The following GABRG3 variants were observed in gnomAD, a reference collection of about 807,000 sequenced individuals.
GABRG3 encodes gamma-aminobutyric acid type A receptor subunit gamma3.
In GABRG3, 25 loss-of-function variants were observed where a neutral mutation model predicts 48.8. The ratio of observed to expected loss-of-function variants is 0.51; its 90% CI spans 0.37 to 0.72. The LOEUF is 0.72. GABRG3 is among the 30% of genes least tolerant of loss of function. GABRG3 has a pLI of 0.00. For missense variants in GABRG3, 394 were observed against 577.9 expected (o/e 0.68, Z 3.26); for synonymous variants, 227 against 217.6 (o/e 1.04, Z -0.38).
intron 5 of GABRG3, chr15:27,363,118 G>A (rs1399466656): frequency 2.0e-5 from 3 of 152,160 alleles, no homozygotes; most frequent in Non-Finnish European, 2.9e-5. Flanking sequence ...GTCCCTATTT[G>A]CTGGAAGGGG....
intron 5 of GABRG3, among the ~76,000 whole-genome samples, chr15:27,342,862 C>A (rs913528252): frequency 6.6e-6 from 1 of 152,192 alleles, no homozygotes; most frequent in East Asian, 1.9e-4. Flanking sequence ...CTCCTGCCTC[C>A]TAGTCTGGAC....
intron 2 of GABRG3, among the ~76,000 whole-genome samples, chr15:27,011,314 T>C (rs1430221246): frequency 2.0e-5 from 3 of 152,218 alleles, no homozygotes; most frequent in Non-Finnish European, 2.9e-5. Flanking sequence ...GACCCATTTC[T>C]CTGTCTGCTT....
At chr15:27,470,061 C>T (rs2150839882) in intron 5 of GABRG3, among the ~76,000 whole-genome samples, 1 of 152,234 alleles carries the variant, frequency 6.6e-6, no homozygotes, top group South Asian at 2.1e-4. Flanking sequence ...AAAAAACTTG[C>T]ACATCAGTAC....
At chr15:27,061,573 G>A (rs1206747581) in intron 3 of GABRG3, among the ~76,000 whole-genome samples, 2 of 151,556 alleles carry the variant, frequency 1.3e-5, no homozygotes, top group Non-Finnish European at 1.5e-5. Context: ...ATGTATTTAT[G>A]AGTGATGTTC....
chr15:27,498,281 C>T (rs1216174313), intron 6 of GABRG3, among the ~76,000 whole-genome samples: 2 of 152,144 alleles, frequency 1.3e-5, no homozygotes, highest in African/African-American at 2.4e-5. Context: ...CTACACTTTG[C>T]ATTTCCATAG....
intron 2 of GABRG3, among the ~76,000 whole-genome samples, chr15:27,018,549 G>A (rs1440580502): frequency 6.6e-6 from 1 of 152,110 alleles, no homozygotes; most frequent in Admixed American, 6.5e-5. Flanking sequence ...GCCTTCTTGA[G>A]ATCACATATT....
chr15:27,479,222 A>G (rs1423705397), intron 5 of GABRG3, among the ~76,000 whole-genome samples: 1 of 152,260 alleles, frequency 6.6e-6, no homozygotes, highest in African/African-American at 2.4e-5. Flanking sequence ...CAAAGTTAAA[A>G]AGGAAGAATT....
intron 3 of GABRG3, among the ~76,000 whole-genome samples, chr15:27,138,350 G>A (rs147065862): frequency 7.9e-5 from 12 of 152,238 alleles, no homozygotes; most frequent in Middle Eastern, 3.4e-3. Context: ...ACGTAAATAT[G>A]GTTCACTCTT....
intron 3 of GABRG3, among the ~76,000 whole-genome samples, chr15:27,198,826 T>C (rs751694071): frequency 1.3e-4 from 20 of 152,282 alleles, no homozygotes; most frequent in Non-Finnish European, 2.2e-4. Flanking sequence ...ATAAAAAGAA[T>C]GAGTTTATGT....
chr15:27,314,137 C>T (rs1430243809), intron 3 of GABRG3, among the ~76,000 whole-genome samples: 3 of 151,948 alleles, frequency 2.0e-5, no homozygotes, highest in Non-Finnish European at 4.4e-5. Flanking sequence ...TTACATCAAA[C>T]CAATAAGCTT....
chr15:26,975,992 G>C lies in GABRG3; in HGVS notation c.54-1010G>C, dbSNP rs1466355812. On this transcript the variant is annotated intron_variant, in intron 1 of 9. Coordinates refer to ENST00000615808, the MANE Select transcript of GABRG3 (RefSeq NM_033223.5). The surrounding 1 kb of genome is among the most constrained non-coding windows in gnomAD (Gnocchi z 4.6). The stretch of plus-strand genomic sequence containing the variant: ...TGCTGCTTTAAGGCAGAAAGAGACT[G>C]TCTGCTCTCCAAGCCCAAATAACTA... Among the ~76,000 whole-genome samples the C allele has an allele frequency of 6.6e-6, 1 of 152,190 alleles. No homozygotes were observed. The highest frequency in any genetic ancestry group is 1.5e-5 in the Non-Finnish European group (1 of 68,040).
chr15:26,979,315 C>G (rs1395600268), intron 2 of GABRG3, among the ~76,000 whole-genome samples: 2 of 152,084 alleles, frequency 1.3e-5, no homozygotes, highest in African/African-American at 4.8e-5. Flanking sequence ...TCTTGCTCTC[C>G]AATCTGAGTA....
At position 27,352,286 on chromosome 15, in the gene GABRG3, C is replaced by G. The variant is rs1384147797; in HGVS notation, c.574+23398C>G. Among the ~76,000 whole-genome samples, 4 of 151,864 alleles carry G rather than the reference C, an allele frequency of 2.6e-5. No individual in the cohort carries two copies. The highest frequency in any genetic ancestry group is 4.4e-5 in the Non-Finnish European group (3 of 67,994). ...CGCGCTCACTGTTCACAGCGTAAAT[C>G]CAGACCCATAGTGAGAGGAAGAGGA... is the stretch of plus-strand genomic sequence containing the variant. On this transcript the variant is annotated intron_variant, in intron 5 of 9. Transcript: ENST00000615808. The surrounding 1 kb of genome is among the most constrained non-coding windows in gnomAD (Gnocchi z 4.0).
intron 2 of GABRG3, among the ~76,000 whole-genome samples, chr15:27,009,226 A>G (rs929349528): frequency 3.3e-5 from 5 of 152,178 alleles, no homozygotes; most frequent in Non-Finnish European, 7.3e-5. Context: ...GAATACTGAT[A>G]GCAAACCGTG....
chr15:27,378,257 A>G (rs1895661109), intron 5 of GABRG3, among the ~76,000 whole-genome samples: 1 of 152,178 alleles, frequency 6.6e-6, no homozygotes, highest in Non-Finnish European at 1.5e-5. Flanking sequence ...CTGAAATTTA[A>G]AAAAATTAAA....
intron 5 of GABRG3, among the ~76,000 whole-genome samples, chr15:27,339,951 G>A (rs1264125373): frequency 6.6e-6 from 1 of 152,134 alleles, no homozygotes; most frequent in Admixed American, 6.5e-5. Flanking sequence ...AGTTGATGGA[G>A]GGAGGAGGCG....
At chr15:27,250,399 A>G (rs999383953) in intron 3 of GABRG3, among the ~76,000 whole-genome samples, 8 of 152,310 alleles carry the variant, frequency 5.3e-5, no homozygotes, top group Middle Eastern at 3.4e-3. Context: ...CTAACCAGTC[A>G]TGTGTTTTAT....
intron 3 of GABRG3, among the ~76,000 whole-genome samples, chr15:27,058,786 A>G (rs980180192): frequency 6.6e-6 from 1 of 152,216 alleles, no homozygotes; most frequent in East Asian, 1.9e-4. Flanking sequence ...ATCAAAATTG[A>G]TAAGTGATTA....
chr15:27,151,644 G>C (rs1384416888), intron 3 of GABRG3, among the ~76,000 whole-genome samples: 2 of 152,158 alleles, frequency 1.3e-5, no homozygotes, highest in Non-Finnish European at 2.9e-5. Flanking sequence ...CAGGGAAAGA[G>C]AGTAAAGGGA....
Sources: gnomAD v4.1 joint callset for allele counts (sites outside exome capture counted in the v4.1 genomes callset) on GRCh38, gnomAD v4.1.1 for gene constraint, Gnocchi (gnomAD v3.1) non-coding constraint, MANE v1.5 for transcripts, NCBI Gene and HGNC (gene_info 2026-07-23, HGNC 2026-07-21) for gene names.